NEK2: variants seen among roughly 807,000 people sequenced by gnomAD.
The protein encoded by NEK2 is NIMA related kinase 2, also known as serine/threonine-protein kinase Nek2.
A neutral mutation model predicts 54.1 loss-of-function variants in NEK2; 28 were observed. The ratio of observed to expected loss-of-function variants is 0.52; its 90% CI spans 0.38 to 0.71. The LOEUF (loss-of-function observed/expected upper bound fraction) is 0.71. Among genes scored for constraint, NEK2 ranks in the 30% least tolerant of loss-of-function variants. The pLI, the probability that NEK2 is intolerant of heterozygous loss-of-function variation, is 0.00. For synonymous variants in NEK2, 176 were observed against 193.1 expected, an observed-to-expected ratio of 0.91 and a Z score of 0.73; for missense variants, 407 against 531.5, an observed-to-expected ratio of 0.77 and a Z score of 2.30.
intron 1 of NEK2, 140 bp from the exon 2 acceptor site, chr1:211,674,653 T>C (rs548698132): frequency 1.5e-6 from 1 of 662,476 alleles, no homozygotes; most frequent in Non-Finnish European, 2.5e-6. Flanking sequence ...TCAATGAACT[T>C]AAGGAGCTGT....
At chr1:211,668,341 G>C (rs919744005) in intron 6 of NEK2, among the ~76,000 whole-genome samples, 1 of 152,138 alleles carries the variant, frequency 6.6e-6, no homozygotes, top group Non-Finnish European at 1.5e-5. Flanking sequence ...AAATGCTTGC[G>C]AGTAGCTCTC....
rs55635245 is a variant in NEK2, at chr1:211,675,465, A to C, written c.15T>G (p.Ala5=). 0.06 allele frequency: 97,244 copies of C among 1,612,816 alleles called. 3,426 individuals carry two copies. The highest frequency in any genetic ancestry group is 0.12 in the Admixed American group (7,416 of 59,932). Residue 5 remains alanine (A), a synonymous_variant, in exon 1 of 8, where the codon GCT becomes GCG. Coordinates refer to ENST00000366999, the MANE Select transcript of NEK2 (RefSeq NM_002497.4). MPSR[A]EDYEVLYTIG... is the part of the protein sequence containing the mutation. The stretch of plus-strand genomic sequence containing the variant: ...TGGTGTACAACACTTCATAGTCCTC[A>C]GCCCGGGAAGGCATGGCCGGCCAGT...
Position 211,663,294 on chromosome 1 carries a change from G to A in NEK2, c.*132C>T, listed in dbSNP as rs113672813. ...GCTGAAGAACAGTAAAACCAATTCC[G>A]AAATATCATGTGTACTATACAGAAA... On this transcript the variant is annotated 3_prime_UTR_variant, in exon 8 of 8. Transcript: ENST00000366999. 7.9e-5 allele frequency: 112 copies of A among 1,418,566 alleles called. No individual in the cohort carries two copies. Among genetic ancestry groups the A allele is most frequent in the Admixed American group, 1.2e-4 (4 of 33,696 alleles). The allele number at this position is 1,418,566 out of a possible 1,614,324, so 87.9% of individuals were successfully genotyped here.
chr1:211,673,513 T>C lies in NEK2; in HGVS notation c.525A>G (p.Thr175=), dbSNP rs1655467613. The C allele has an allele frequency of 1.2e-6, 2 of 1,614,044 alleles. No individual in the cohort carries two copies. The highest frequency in any genetic ancestry group is 1.7e-6 in the Non-Finnish European group (2 of 1,179,888). The change falls in exon 3 of 8, where the codon ACA becomes ACG. Residue 175 remains threonine, a synonymous_variant. Transcript: ENST00000366999. Reference sequence around the variant, plus strand: ...ACATGTAATAAGGTGTGCCAACAAATGTTTTTGCAAAACTCGTGTCATGGT... The same window carrying C: ...ACATGTAATAAGGTGTGCCAACAAACGTTTTTGCAAAACTCGTGTCATGGT... ...ILNHDTSFAK[T]FVGTPYYMSP...
At chr1:211,666,195 G>A (rs937838895) in intron 7 of NEK2, among the ~76,000 whole-genome samples, 2 of 152,116 alleles carry the variant, frequency 1.3e-5, no homozygotes, top group Non-Finnish European at 2.9e-5. Flanking sequence ...AAGGGACAAT[G>A]CCACACAAAG....
In NEK2 at chr1:211,663,261, C is replaced by T. The variant is rs1361795181; in HGVS notation, c.*165G>A. On this transcript the variant is annotated 3_prime_UTR_variant, in exon 8 of 8. Coordinates refer to ENST00000366999, the MANE Select transcript of NEK2 (RefSeq NM_002497.4). ...AAAAATTAAATGTGAACATTTTGTA[C>T]AATAGTTGCTGAAGAACAGTAAAAC... 1.4e-6 allele frequency: 2 copies of T among 1,395,382 alleles called. No individual in the cohort carries two copies. The highest frequency in any genetic ancestry group is 1.9e-5 in the South Asian group (1 of 52,900). 86.4% of individuals were successfully genotyped at this position (1,395,382 alleles called of 1,614,324 possible). A position where few individuals can be genotyped will look rare whatever the true frequency, so the allele number is the denominator to read the frequency against.
intron 7 of NEK2, among the ~76,000 whole-genome samples, chr1:211,664,993 C>T (rs1351864382): frequency 6.6e-6 from 1 of 152,184 alleles, no homozygotes; most frequent in Non-Finnish European, 1.5e-5. Context: ...CGTCACCACA[C>T]TTGGCTCTTA....
At chr1:211,669,830 T>C (rs1165781592) in intron 5 of NEK2, among the ~76,000 whole-genome samples, 1 of 131,648 alleles carries the variant, frequency 7.6e-6, no homozygotes, top group Non-Finnish European at 1.6e-5. Flanking sequence ...TTCCACATAA[T>C]CTCTTTATTG....
chr1:211,669,230 A>G lies in NEK2; in HGVS notation c.868T>C (p.Leu290=), dbSNP rs1212212642. Reference sequence around the variant, plus strand: ...TCCTGCGATTTTTCTGGCTCTCCTAATTGTCGCCCTCTTCTCTCAAGATTT... The same window carrying G: ...TCCTGCGATTTTTCTGGCTCTCCTAGTTGTCGCCCTCTTCTCTCAAGATTT... ...RRNLERRGRQ[L]GEPEKSQDSS... is the part of the protein sequence containing the mutation. The change falls in exon 6 of 8, where the codon TTA becomes CTA. Residue 290 remains leucine, a synonymous_variant. Transcript: ENST00000366999. 6.2e-7 allele frequency: 1 copy of G among 1,613,922 alleles called. No individual in the cohort carries two copies. Among genetic ancestry groups the G allele is most frequent in the African/African-American group, 1.3e-5 (1 of 74,926 alleles).
chr1:211,670,597 C>A (rs1655343391), intron 4 of NEK2, among the ~76,000 whole-genome samples, 190 bp from the exon 5 acceptor site: 1 of 152,140 alleles, frequency 6.6e-6, no homozygotes. Flanking sequence ...TCATATAATT[C>A]TTTGTTGTGG....
intron 4 of NEK2, 107 bp downstream of exon 4, chr1:211,671,095 A>G: frequency 1.2e-6 from 1 of 821,704 alleles, no homozygotes. Flanking sequence ...CAATTCTTTC[A>G]GACTTGAATA....
chr1:211,662,843 T>G lies in NEK2; in HGVS notation c.*583A>C. ...TAAATGACAGACAGCTCATATTCTG[T>G]TAAACAGAAAAAAAAAAAGAATACA... On this transcript the variant is annotated 3_prime_UTR_variant, in exon 8 of 8. Coordinates refer to ENST00000366999, the MANE Select transcript of NEK2 (RefSeq NM_002497.4). This position sits in a 1 kb window ranked among gnomAD's most constrained non-coding sequence, Gnocchi z 4.2. 1 of 956,844 alleles carries G rather than the reference T, an allele frequency of 1.0e-6. No individual in the cohort carries two copies. Among genetic ancestry groups the G allele is most frequent in the Non-Finnish European group, 1.2e-6 (1 of 815,208 alleles). 59.3% of individuals were successfully genotyped at this position (956,844 alleles called of 1,614,324 possible).
At chr1:211,669,550 TCCCTTTTC>T (rs749884784) in intron 5 of NEK2, 20 of 546,746 alleles carry the variant, frequency 3.7e-5, no homozygotes, top group Non-Finnish European at 6.1e-5. Flanking sequence ...TTACCTTTTT[TCCCTTTTC>T]CCCTTTTCAC....
At chr1:211,668,546 G>C (rs573986193) in intron 6 of NEK2, among the ~76,000 whole-genome samples, 3 of 152,156 alleles carry the variant, frequency 2.0e-5, no homozygotes, top group Non-Finnish European at 4.4e-5. Flanking sequence ...ACTTTGGGAG[G>C]TAAGATGGGA....
downstream of NEK2, chr1:211,660,540 A>G: frequency 1.6e-6 from 1 of 636,590 alleles, no homozygotes; most frequent in South Asian, 1.4e-5. Context: ...CCTGAATCTT[A>G]AAGAACTCTC....
rs1319642651 is a variant in NEK2, at chr1:211,667,089, C to T, written c.1111+17G>A. 6.2e-7 allele frequency: 1 copy of T among 1,613,190 alleles called. No homozygotes were observed. The highest frequency in any genetic ancestry group is 8.5e-7 in the Non-Finnish European group (1 of 1,179,846). On this transcript the variant is annotated intron_variant, in intron 7 of 7. Coordinates refer to ENST00000366999, the MANE Select transcript of NEK2 (RefSeq NM_002497.4). Reference sequence around the variant, plus strand: ...ATTTGTAGCACCAGCTTCTGTTGACCAAGTTGATTCTCATACCTGGATTAC... The same window carrying T: ...ATTTGTAGCACCAGCTTCTGTTGACTAAGTTGATTCTCATACCTGGATTAC...
rs546283884 is a variant in NEK2, at chr1:211,675,515, A to C, written c.-36T>G. ...TCGCCAGAGTCGCGCTGCCTCACGC[A>C]GGTTGCGCCGCCAAGTGCGGAGCTC... On this transcript the variant is annotated 5_prime_UTR_variant, in exon 1 of 8. Coordinates refer to ENST00000366999, the MANE Select transcript of NEK2 (RefSeq NM_002497.4). 9.1e-5 allele frequency: 145 copies of C among 1,587,278 alleles called. 2 individuals carry two copies. In the South Asian group the frequency reaches 1.4e-3, roughly 15 times the overall value.
Position 211,674,303 on chromosome 1 carries a change from T to TA in NEK2, c.306_307insT (p.Lys103Ter). 1 of 1,608,512 alleles carries TA rather than the reference T, an allele frequency of 6.2e-7. No homozygotes were observed. Among genetic ancestry groups the TA allele is most frequent in the Non-Finnish European group, 8.5e-7 (1 of 1,176,458 alleles). On this transcript the variant is annotated frameshift_variant, in exon 2 of 8. Coordinates refer to ENST00000366999, the MANE Select transcript of NEK2 (RefSeq NM_002497.4). LOFTEE classifies it high-confidence loss of function. ...TTAAAAGATTATGCTTACCTTTCCT[T>TA]GGTTCCCTTTGTAATTACACTAGCC... is the stretch of plus-strand genomic sequence containing the variant.
intron 5 of NEK2, chr1:211,669,537 A>G: frequency 1.7e-6 from 1 of 571,966 alleles, no homozygotes; most frequent in Non-Finnish European, 3.1e-6. Context: ...TGCAGATGTT[A>G]ACTTACCTTT....
Sources: gnomAD v4.1 joint callset for allele counts (sites outside exome capture counted in the v4.1 genomes callset) on GRCh38, gnomAD v4.1.1 for gene constraint, Gnocchi (gnomAD v3.1) non-coding constraint, MANE v1.5 for transcripts, NCBI Gene and HGNC (gene_info 2026-07-23, HGNC 2026-07-21) for gene names.